CRACD: variants seen among roughly 807,000 people sequenced by gnomAD.
The protein encoded by CRACD is capping protein-inhibiting regulator of actin dynamics.
In CRACD, 56 loss-of-function variants were observed where a neutral mutation model predicts 106.8. The observed-to-expected ratio is 0.52, with a 90% CI of 0.42 to 0.66. The LOEUF (loss-of-function observed/expected upper bound fraction) is 0.66, where lower values mean the gene tolerates loss of function less well. CRACD is among the 30% of genes least tolerant of loss of function. CRACD has a pLI of 0.00. For synonymous variants in CRACD, 754 were observed against 670.8 expected (o/e 1.12, Z -1.92); for missense variants, 1,730 against 1,623.2 (o/e 1.07, Z -1.13).
At chr4:56,205,528 G>GTA (rs112550218) in intron 2 of CRACD, among the ~76,000 whole-genome samples, 12 of 151,064 alleles carry the variant, frequency 7.9e-5, no homozygotes, top group African/African-American at 2.9e-4. Context: ...TTTTTTTTTT[G>GTA]TATGTGTGTG....
At chr4:56,319,991 G>T (rs1366378413) in intron 8 of CRACD, among the ~76,000 whole-genome samples, 1 of 152,020 alleles carries the variant, frequency 6.6e-6, no homozygotes, top group Non-Finnish European at 1.5e-5. Flanking sequence ...TGGCCAACAT[G>T]GTGAAACCCT....
At position 56,307,715 on chromosome 4, in the gene CRACD, G is replaced by A. The variant is rs1310774607; in HGVS notation, c.285+16G>A. 2.5e-6 allele frequency: 4 copies of A among 1,613,438 alleles called. No individual in the cohort carries two copies. The highest frequency in any genetic ancestry group is 1.1e-5 in the South Asian group (1 of 90,988). ...AGAGAACAAGGTAAGTCTCCTCCAG[G>A]GAATGACTTGATGGCTCATAAACCA... On this transcript the variant is annotated intron_variant, in intron 5 of 10. Transcript: ENST00000682029.
Position 56,189,444 on chromosome 4 carries a change from A to C in CRACD, c.-189+10014A>C, listed in dbSNP as rs186905286. 4.4e-3 allele frequency among the ~76,000 whole-genome samples: 665 copies of C among 151,676 alleles called. 2 individuals are homozygous for C. The highest frequency in any genetic ancestry group is 7.3e-3 in the Non-Finnish European group (496 of 67,880). On this transcript the variant is annotated intron_variant, in intron 2 of 10. Transcript: ENST00000682029. The stretch of plus-strand genomic sequence containing the variant: ...TTAAGTTTTAGGGTACATGTGCACA[A>C]CCTGCAGGTTTGTTACATATGTATA...
chr4:56,214,681 C>CTCTCTCTATATATATATATA lies in CRACD; in HGVS notation c.-189+35252_-189+35253insCTCTCTATATATATATATAT. Among the ~76,000 whole-genome samples the CTCTCTCTATATATATATATA allele has an allele frequency of 5.7e-3, 462 of 80,882 alleles. 9 individuals carry two copies. The highest frequency in any genetic ancestry group is 0.018 in the African/African-American group (433 of 23,414). 53.1% of individuals were successfully genotyped at this position (80,882 alleles called of 152,430 possible). ...TCTCTCTCTCTCTCTCTCTCTCTCT[C>CTCTCTCTATATATATATATA]TATATATATATATATCAAACAGTTA... On this transcript the variant is annotated intron_variant, in intron 2 of 10. Coordinates refer to ENST00000682029, the MANE Select transcript of CRACD (RefSeq NM_001393381.1).
At chr4:56,215,939 T>C (rs946110644) in intron 2 of CRACD, among the ~76,000 whole-genome samples, 1 of 152,218 alleles carries the variant, frequency 6.6e-6, no homozygotes, top group Non-Finnish European at 1.5e-5. Flanking sequence ...AATATGCTCT[T>C]ATAGATGAGA....
intron 1 of CRACD, among the ~76,000 whole-genome samples, chr4:56,148,365 C>A (rs751960438): frequency 9.2e-5 from 14 of 152,048 alleles, no homozygotes; most frequent in Non-Finnish European, 1.8e-4. Flanking sequence ...TCATTGCTCA[C>A]TGCAGCCTCA....
chr4:56,058,140 G>C lies in CRACD; in HGVS notation c.-336+8841G>C, dbSNP rs150555163. ...CCAGGGGTGCAGTGGCACCATCTCG[G>C]CTCACTGCAGCCTCCACCTCCCAGG... On this transcript the variant is annotated intron_variant, in intron 1 of 10. Transcript: ENST00000682029. Among the ~76,000 whole-genome samples, 971 of 151,754 alleles carry C rather than the reference G, an allele frequency of 6.4e-3. 7 individuals are homozygous for C. Among genetic ancestry groups the C allele is most frequent in the African/African-American group, 0.023 (938 of 41,356 alleles).
chr4:56,319,231 A>G (rs1174823808), intron 8 of CRACD, among the ~76,000 whole-genome samples: 2 of 152,138 alleles, frequency 1.3e-5, no homozygotes, highest in African/African-American at 4.8e-5. Flanking sequence ...GAGATTCTTT[A>G]AACATACCAT....
chr4:56,092,200 G>A (rs1271787176), intron 1 of CRACD, among the ~76,000 whole-genome samples: 1 of 152,214 alleles, frequency 6.6e-6, no homozygotes. Flanking sequence ...AGGCATCACT[G>A]AGGAGGAAAC....
intron 2 of CRACD, among the ~76,000 whole-genome samples, chr4:56,221,406 T>G (rs1739022942): frequency 6.6e-6 from 1 of 152,136 alleles, no homozygotes; most frequent in Non-Finnish European, 1.5e-5. Context: ...AACAGCAGTA[T>G]TTTGAGGAAG....
At chr4:56,143,378 T>C (rs942564979) in intron 1 of CRACD, among the ~76,000 whole-genome samples, 1 of 152,148 alleles carries the variant, frequency 6.6e-6, no homozygotes, top group Non-Finnish European at 1.5e-5. Context: ...TTTTTTGTCT[T>C]ACTGCATCTC....
chr4:56,097,574 T>C (rs1733639048), intron 1 of CRACD: 1 of 152,312 alleles, frequency 6.6e-6, no homozygotes, highest in African/African-American at 2.4e-5. Context: ...TTTGGCTAGG[T>C]TTAGTGTTTA....
chr4:56,121,351 G>T (rs931562764), intron 1 of CRACD, among the ~76,000 whole-genome samples: 2 of 152,134 alleles, frequency 1.3e-5, no homozygotes, highest in African/African-American at 4.8e-5. Flanking sequence ...ATAAATGGCA[G>T]GAATGAAGTA....
intron 2 of CRACD, among the ~76,000 whole-genome samples, chr4:56,205,269 G>T (rs1330914380): frequency 2.0e-5 from 3 of 152,104 alleles, no homozygotes; most frequent in Non-Finnish European, 4.4e-5. Context: ...CTAGGATGCT[G>T]TTCATATGGG....
rs1328834965 is a variant in CRACD at position 56,327,826 on chromosome 4, T to TAC, written c.*23_*24dup. On this transcript the variant is annotated 3_prime_UTR_variant, in exon 11 of 11. Coordinates refer to ENST00000682029, the MANE Select transcript of CRACD (RefSeq NM_001393381.1). ...GTAAAGAGTGACTCTCACCCATCCCTACTGCCAGTTATTGGCTCCTCTCTT... is the reference window on the plus strand; with the variant it reads ...GTAAAGAGTGACTCTCACCCATCCCTACACTGCCAGTTATTGGCTCCTCTCTT... The TAC allele has an allele frequency of 6.3e-7, 1 of 1,597,720 alleles. No homozygotes were observed. The highest frequency in any genetic ancestry group is 1.7e-5 in the Admixed American group (1 of 58,530).
In CRACD at chr4:56,216,809, T is replaced by A. The variant is rs367870686; in HGVS notation, c.-189+37379T>A. ...TCCTGGCTAACAAGGTGAAACCCCG[T>A]CTCTACTAAAAATACAAAAAATTAG... On this transcript the variant is annotated intron_variant, in intron 2 of 10. Transcript: ENST00000682029. 2.7e-5 allele frequency among the ~76,000 whole-genome samples: 4 copies of A among 149,770 alleles called. No homozygotes were observed. In the East Asian group the frequency reaches 7.9e-4, roughly 29 times the overall value.
At position 56,091,343 on chromosome 4, in the gene CRACD, T is replaced by C. The variant is rs138824243; in HGVS notation, c.-336+42044T>C. ...GTCCTGGGATTTTAGACCTAAGCCA[T>C]TGTGACTGGCCAGAGTAGTTCTTTT... On this transcript the variant is annotated intron_variant, in intron 1 of 10. Coordinates refer to ENST00000682029, the MANE Select transcript of CRACD (RefSeq NM_001393381.1). Among the ~76,000 whole-genome samples, 171 of 151,134 alleles carry C rather than the reference T, an allele frequency of 1.1e-3. 1 individual carries two copies. The highest frequency in any genetic ancestry group is 3.9e-3 in the African/African-American group (160 of 40,914).
intron 2 of CRACD, among the ~76,000 whole-genome samples, chr4:56,270,012 G>A (rs1260137368): frequency 6.6e-6 from 1 of 152,170 alleles, no homozygotes; most frequent in Non-Finnish European, 1.5e-5. Context: ...CATCTGATAT[G>A]TTTTAAATAT....
At chr4:56,263,082 A>G (rs1329596134) in intron 2 of CRACD, among the ~76,000 whole-genome samples, 1 of 152,144 alleles carries the variant, frequency 6.6e-6, no homozygotes, top group African/African-American at 2.4e-5. Context: ...AGAAGGGGCT[A>G]CCACACTCTT....
Sources: gnomAD v4.1 joint callset for allele counts (sites outside exome capture counted in the v4.1 genomes callset) on GRCh38, gnomAD v4.1.1 for gene constraint, MANE v1.5 for transcripts, NCBI Gene and HGNC (gene_info 2026-07-23, HGNC 2026-07-21) for gene names.